CC2D2A: variants seen among roughly 807,000 people sequenced by gnomAD.
The protein encoded by CC2D2A is coiled-coil and C2 domain-containing protein 2A.
CC2D2A carries 155 observed loss-of-function variants against 212.9 expected under a neutral mutation model. The ratio of observed to expected loss-of-function variants is 0.73; its 90% CI spans 0.64 to 0.83. The LOEUF is 0.83. CC2D2A is among the 40% of genes least tolerant of loss of function. CC2D2A has a pLI of 0.00. For synonymous variants in CC2D2A, 667 were observed against 686.5 expected (o/e 0.97, Z 0.44); for missense variants, 1,856 against 1,956.2 (o/e 0.95, Z 0.97).
Position 15,528,853 on chromosome 4 carries a change from C to G in CC2D2A, c.1466+127C>G, listed in dbSNP as rs1241052461. 4.8e-6 allele frequency: 3 copies of G among 622,610 alleles called. No homozygotes were observed. In the African/African-American group the frequency reaches 5.6e-5, roughly 12 times the overall value. 38.6% of individuals were successfully genotyped at this position (622,610 alleles called of 1,614,324 possible). ...GTGAAATTATGCCATATAAAACAAT[C>G]AAATACATCTATCATATTAACACAG... On this transcript the variant is annotated intron_variant, in intron 13 of 36. Coordinates refer to ENST00000424120, the MANE Select transcript of CC2D2A (RefSeq NM_001378615.1).
Position 15,597,309 on chromosome 4 carries a change from G to A in CC2D2A, c.4438-98G>A, listed in dbSNP as rs1175466867. On this transcript the variant is annotated intron_variant, in intron 34 of 36. Coordinates refer to ENST00000424120, the MANE Select transcript of CC2D2A (RefSeq NM_001378615.1). The stretch of plus-strand genomic sequence containing the variant: ...TGCATTATATTATTTTCTATATCTC[G>A]ATGTCTGAGATTTCATTGATTTTTA... 10 of 865,602 alleles carry A rather than the reference G, an allele frequency of 1.2e-5. No individual in the cohort carries two copies. In the East Asian group the frequency reaches 2.1e-4, roughly 18 times the overall value. 53.6% of individuals were successfully genotyped at this position (865,602 alleles called of 1,614,324 possible). A position where few individuals can be genotyped will look rare whatever the true frequency, so the allele number is the denominator to read the frequency against.
chr4:15,563,312 CTTTCTT>C (rs752133266), intron 23 of CC2D2A, 37 bp from the exon 24 acceptor site: 2 of 1,532,474 alleles, frequency 1.3e-6, no homozygotes, highest in Non-Finnish European at 1.8e-6. Flanking sequence ...TTTTGCAGAC[CTTTCTT>C]TTTCTTAGAG....
In CC2D2A at chr4:15,568,510, C is replaced by A. The variant is rs574277833; in HGVS notation, c.3398+724C>A. ...GGCTGAGGCAGGAGAATTACTTGAA[C>A]CCGGGAGGTGGAAGTTGCAGTGAGT... On this transcript the variant is annotated intron_variant, in intron 26 of 36. Transcript: ENST00000424120. Among the ~76,000 whole-genome samples the A allele has an allele frequency of 2.4e-3, 360 of 152,300 alleles. 3 individuals carry two copies. Among genetic ancestry groups the A allele is most frequent in the Middle Eastern group, 3.4e-3 (1 of 294 alleles).
chr4:15,574,395 C>A, intron 29 of CC2D2A, 69 bp downstream of exon 29: 1 of 1,199,556 alleles, frequency 8.3e-7, no homozygotes, highest in South Asian at 1.8e-5. Flanking sequence ...CTAGGCTATA[C>A]TTTTATGAAC....
intron 17 of CC2D2A, among the ~76,000 whole-genome samples, chr4:15,547,533 C>T (rs1214780333): frequency 6.6e-6 from 1 of 152,112 alleles, no homozygotes; most frequent in Non-Finnish European, 1.5e-5. Context: ...TTTTTAGGCT[C>T]CCACATATGA....
Position 15,557,312 on chromosome 4 carries a change from C to T in CC2D2A, c.2634C>T (p.Thr878=), listed in dbSNP as rs1263391498. The T allele has an allele frequency of 6.2e-7, 1 of 1,606,960 alleles. No individual in the cohort carries two copies. ...APLMQLISVA[T]SGESYVPDFF... ...TTTTCCGTTTTTTATAGGTTGCTAC[C>T]AGTGGTGAATCCTATGTCCCTGATT... is the stretch of plus-strand genomic sequence containing the variant. The change falls in exon 21 of 37, where the codon ACC becomes ACT. Residue 878 remains threonine (T), a synonymous_variant. Coordinates refer to ENST00000424120, the MANE Select transcript of CC2D2A (RefSeq NM_001378615.1).
Position 15,511,262 on chromosome 4 carries a change from C to G in CC2D2A, c.556C>G (p.Pro186Ala). 7 of 1,599,150 alleles carry G rather than the reference C, an allele frequency of 4.4e-6. No homozygotes were observed. Among genetic ancestry groups the G allele is most frequent in the Non-Finnish European group, 4.3e-6 (5 of 1,174,140 alleles). The change falls in exon 8 of 37, where the codon CCT becomes GCT. Residue 186 changes from proline (P) to alanine (A), a missense_variant. Physicochemically the swap from Pro to Ala is conservative, Grantham distance 27. Transcript: ENST00000424120. The stretch of plus-strand genomic sequence containing the variant: ...TTTTCGTTAGGTTCCACCTGGCTTC[C>G]CTTCTGCAGAAGAGGCCTATAACTT... The part of the protein sequence containing the change: ...KPKPQVPPGF[P>A]SAEEAYNFFT...
chr4:15,570,405 G>T lies in CC2D2A; in HGVS notation c.3503G>T (p.Arg1168Leu). 6.3e-7 allele frequency: 1 copy of T among 1,593,774 alleles called. No homozygotes were observed. Among genetic ancestry groups the T allele is most frequent in the Non-Finnish European group, 8.6e-7 (1 of 1,165,942 alleles). Residue 1168 changes from arginine to leucine, a missense_variant, in exon 28 of 37, where the codon CGT becomes CTT. Physicochemically the swap from Arg to Leu is moderately radical, Grantham distance 102 (BLOSUM62 -2). Transcript: ENST00000424120. ...EVLHDVLEDD[R>L]ERGSGIHTRI... ...TTCCCACCCTTCCTTTAGGATGACCGTGAAAGAGGAAGTGGAATCCATACT... is the reference window on the plus strand; with the variant it reads ...TTCCCACCCTTCCTTTAGGATGACCTTGAAAGAGGAAGTGGAATCCATACT...
rs1185288924 is a variant in CC2D2A at position 15,563,484 on chromosome 4, G to A, written c.3144G>A (p.Val1048=). Reference sequence around the variant, plus strand: ...ACATAAAGCTGCTGGTGAACATTGTGCGAGCTTACGACATTCCAGTGAGGA... The same window carrying A: ...ACATAAAGCTGCTGGTGAACATTGTACGAGCTTACGACATTCCAGTGAGGA... ...DGDIKLLVNI[V]RAYDIPVRKP... Residue 1048 remains valine (V), a synonymous_variant, in exon 24 of 37, where the codon GTG becomes GTA. Transcript: ENST00000424120. The A allele has an allele frequency of 6.2e-7, 1 of 1,612,408 alleles. No homozygotes were observed. Among genetic ancestry groups the A allele is most frequent in the Non-Finnish European group, 8.5e-7 (1 of 1,179,378 alleles).
chr4:15,540,644 G>A (rs1384603780), intron 16 of CC2D2A, among the ~76,000 whole-genome samples, 193 bp from the exon 17 acceptor site: 1 of 152,182 alleles, frequency 6.6e-6, no homozygotes, highest in African/African-American at 2.4e-5. Flanking sequence ...CCTTTTCAGT[G>A]TCTGTTAATG....
chr4:15,490,776 G>T (rs1432362597), intron 4 of CC2D2A, among the ~76,000 whole-genome samples: 1 of 152,148 alleles, frequency 6.6e-6, no homozygotes, highest in African/African-American at 2.4e-5. Flanking sequence ...CAAGCAGACA[G>T]CCTGGCGCCA....
chr4:15,564,896 C>T (rs564585272), intron 24 of CC2D2A, among the ~76,000 whole-genome samples: 1 of 151,732 alleles, frequency 6.6e-6, no homozygotes, highest in Admixed American at 6.6e-5. Flanking sequence ...AGGGTGGTCT[C>T]GGACTCCTGG....
chr4:15,597,441 C>A lies in CC2D2A; in HGVS notation c.4472C>A (p.Ala1491Glu). ...EELIYQRSDK[A>E]AAAELQDRIE... The stretch of plus-strand genomic sequence containing the variant: ...CTAATTTACCAGCGCTCAGACAAAG[C>A]AGCTGCAGCTGAGCTACAAGACAGG... Residue 1491 changes from alanine (A) to glutamate (E), a missense_variant, in exon 35 of 37, where the codon GCA (alanine) becomes GAA (glutamate). This residue lies in a region of CC2D2A where 285 missense variants were observed against 278.4 expected (regional missense o/e 1.02). Transcript: ENST00000424120. 1 of 1,553,516 alleles carries A rather than the reference C, an allele frequency of 6.4e-7. No homozygotes were observed. The highest frequency in any genetic ancestry group is 2.4e-5 in the East Asian group (1 of 41,286).
intron 23 of CC2D2A, among the ~76,000 whole-genome samples, chr4:15,562,089 G>A (rs553412787): frequency 7.9e-5 from 12 of 152,342 alleles, no homozygotes; most frequent in Admixed American, 3.3e-4. Context: ...AAACCTTGGA[G>A]AATAAACAGG....
At chr4:15,513,825 A>C (rs957557763) in intron 8 of CC2D2A, among the ~76,000 whole-genome samples, 1 of 152,162 alleles carries the variant, frequency 6.6e-6, no homozygotes, top group African/African-American at 2.4e-5. Context: ...AGTTAAGTTA[A>C]AAGCATGGTT....
chr4:15,480,925 T>G (rs1178109916), intron 4 of CC2D2A, 98 bp downstream of exon 4: 2 of 1,414,378 alleles, frequency 1.4e-6, no homozygotes, highest in East Asian at 4.9e-5. Flanking sequence ...TTATTTTTCA[T>G]GCATTGCCAC....
intron 34 of CC2D2A, among the ~76,000 whole-genome samples, chr4:15,597,156 G>C (rs575255596): frequency 6.6e-6 from 1 of 152,098 alleles, no homozygotes; most frequent in Non-Finnish European, 1.5e-5. Context: ...ATCAGTACTT[G>C]TTGAATGAAG....
intron 17 of CC2D2A, among the ~76,000 whole-genome samples, chr4:15,549,466 G>A (rs192347311): frequency 2.6e-5 from 4 of 152,246 alleles, no homozygotes; most frequent in African/African-American, 9.6e-5. Flanking sequence ...GGTGAGTGAT[G>A]GATACTGGGG....
chr4:15,537,994 C>T lies in CC2D2A; in HGVS notation c.1860C>T (p.Ser620=), dbSNP rs1396486923. 1 of 1,609,610 alleles carries T rather than the reference C, an allele frequency of 6.2e-7. No homozygotes were observed. The highest frequency in any genetic ancestry group is 8.5e-7 in the Non-Finnish European group (1 of 1,178,126). Residue 620 remains serine (S), a synonymous_variant, in exon 16 of 37, where the codon AGC becomes AGT. Transcript: ENST00000424120. The stretch of plus-strand genomic sequence containing the variant: ...CCGAGGAGGACCTTGTGAAGCCCAG[C>T]CCTCCAGAGCCCACTGATCGGGCAG... ...PYPEEDLVKP[S]PPEPTDRAVI... is the part of the protein sequence containing the mutation.
Sources: gnomAD v4.1 joint callset for allele counts (sites outside exome capture counted in the v4.1 genomes callset) on GRCh38, gnomAD v4.1.1 for gene constraint, gnomAD v4.1.1 regional missense constraint, MANE v1.5 for transcripts, NCBI Gene and HGNC (gene_info 2026-07-23, HGNC 2026-07-21) for gene names.